Variants in BAHCC1 observed in about 807,000 individuals in gnomAD.
BAHCC1 encodes the protein BAH domain and coiled-coil containing 1.
In BAHCC1, 43 loss-of-function variants were observed where a neutral mutation model predicts 88.2. The observed-to-expected ratio is 0.49, with a 90% confidence interval of 0.38 to 0.63. BAHCC1 has a LOEUF of 0.63. Among genes scored for constraint, BAHCC1 ranks in the 20% least tolerant of loss-of-function variants. The pLI is 0.00. For missense variants in BAHCC1, 3,023 were observed against 1,654.8 expected (o/e 1.83, Z -14.34); for synonymous variants, 1,510 against 745.5 (o/e 2.03, Z -16.71).
chr17:81,407,600 C>T (rs113979572), intron 2 of BAHCC1, among the ~76,000 whole-genome samples: 11 of 152,226 alleles, frequency 7.2e-5, no homozygotes, highest in Non-Finnish European at 1.3e-4. Context: ...GAAGGGGCTG[C>T]GCTGTGGGGC....
At chr17:81,410,536 G>A (rs562867258) in intron 2 of BAHCC1, among the ~76,000 whole-genome samples, 32 of 152,348 alleles carry the variant, frequency 2.1e-4, no homozygotes, top group African/African-American at 5.8e-4. Context: ...GTCCTGGGGC[G>A]TTGGATGTGA....
chr17:81,401,474 T>C (rs2063816181), intron 2 of BAHCC1: 1 of 152,710 alleles, frequency 6.5e-6, no homozygotes, highest in African/African-American at 2.4e-5. Context: ...TTTAAAAATA[T>C]CTCTTCTGCT....
In BAHCC1 at chr17:81,442,167, G is replaced by C; in HGVS notation, c.818G>C (p.Cys273Ser). Residue 273 changes from cysteine to serine, a missense_variant, in exon 5 of 28, where the codon TGC (cysteine) becomes TCC (serine). Physicochemically the swap from Cys to Ser is moderately radical, Grantham distance 112. Coordinates refer to ENST00000675386, the MANE Select transcript of BAHCC1 (RefSeq NM_001377448.1). ...REGGPAPRGA[C>S]EGRPKHLTSC... is the part of the protein sequence containing the mutation. ...GGCGGCCCCGCACCCCGAGGGGCCT[G>C]CGAGGGCCGCCCCAAGCACCTCACC... 1 of 652,248 alleles carries C rather than the reference G, an allele frequency of 1.5e-6. No homozygotes were observed. Among genetic ancestry groups the C allele is most frequent in the Non-Finnish European group, 2.8e-6 (1 of 361,616 alleles). The allele number at this position is 652,248 out of a possible 1,614,324, so 40.4% of individuals were successfully genotyped here. A position where few individuals can be genotyped will look rare whatever the true frequency, so the allele number is the denominator to read the frequency against.
At position 81,447,289 on chromosome 17, in the gene BAHCC1, GGGACCCCAGGGGAAGGCAGC is replaced by G; in HGVS notation, c.3427_3446del (p.Gly1143ProfsTer65). ...CCGCCACCCCCTACCCTACCGAGCG[GGGACCCCAGGGGAAGGCAGC>G]GGACCCCAGCCCACTAGAGGGGCTA... On this transcript the variant is annotated frameshift_variant, in exon 11 of 28. Coordinates refer to ENST00000675386, the MANE Select transcript of BAHCC1 (RefSeq NM_001377448.1). LOFTEE classifies it high-confidence loss of function. 1.4e-6 allele frequency: 1 copy of G among 730,842 alleles called. No individual in the cohort carries two copies. The highest frequency in any genetic ancestry group is 2.5e-6 in the Non-Finnish European group (1 of 395,762). 45.3% of individuals were successfully genotyped at this position (730,842 alleles called of 1,614,324 possible).
At position 81,447,452 on chromosome 17, in the gene BAHCC1, C is replaced by A. The variant is rs1555654846; in HGVS notation, c.3580C>A (p.Pro1194Thr). 4 of 742,532 alleles carry A rather than the reference C, an allele frequency of 5.4e-6. No individual in the cohort carries two copies. The Admixed American group carries it at 7.6e-5, about 14-fold the overall frequency. The allele number at this position is 742,532 out of a possible 1,614,324, so 46.0% of individuals were successfully genotyped here. ...GAGCAGGGAGGAGGGGGAGCAGGGG[C>A]CCTCGTCAGGGGCCTCCTCCCAAGT... Reference protein sequence around the residue: ...ERSREEGEQGPSSGASSQVLE... With the variant: ...ERSREEGEQGTSSGASSQVLE... The change falls in exon 11 of 28, where the codon CCC becomes ACC. Residue 1194 changes from proline (P) to threonine (T), a missense_variant. Transcript: ENST00000675386.
intron 3 of BAHCC1, 37 bp from the exon 4 acceptor site, chr17:81,438,333 G>C (rs1339758391): frequency 1.3e-6 from 1 of 776,618 alleles, no homozygotes; most frequent in Non-Finnish European, 2.4e-6. Context: ...CAGGGGGCTG[G>C]GAGTTGCCTC....
intron 3 of BAHCC1, among the ~76,000 whole-genome samples, chr17:81,429,194 G>A (rs1260354493): frequency 6.6e-6 from 1 of 152,190 alleles, no homozygotes; most frequent in Non-Finnish European, 1.5e-5. Flanking sequence ...ACAAGGGGGT[G>A]CAGGGCGTGG....
chr17:81,449,989 C>T (rs974508757), intron 11 of BAHCC1, among the ~76,000 whole-genome samples: 3 of 152,096 alleles, frequency 2.0e-5, no homozygotes, highest in Non-Finnish European at 4.4e-5. Context: ...AGCTGTCAGG[C>T]GCTGATTTGT....
chr17:81,421,228 G>A lies in BAHCC1; in HGVS notation c.179-5572G>A, dbSNP rs185763140. Among the ~76,000 whole-genome samples the A allele has an allele frequency of 3.5e-3, 527 of 152,342 alleles. 2 individuals carry two copies. Among genetic ancestry groups the A allele is most frequent in the Middle Eastern group, 0.01 (3 of 294 alleles). On this transcript the variant is annotated intron_variant, in intron 2 of 27. Coordinates refer to ENST00000675386, the MANE Select transcript of BAHCC1 (RefSeq NM_001377448.1). ...GCCAAGAGGAAAGAGCCCTCAGCCC[G>A]GTTCCCGGCTGGCCTTGGCCCACAC...
chr17:81,445,863 G>T (rs1354937998), intron 10 of BAHCC1, among the ~76,000 whole-genome samples, 182 bp downstream of exon 10: 1 of 152,082 alleles, frequency 6.6e-6, no homozygotes, highest in Non-Finnish European at 1.5e-5. Context: ...ATGACCTTGG[G>T]AGAAGCACAC....
At position 81,461,665 on chromosome 17, in the gene BAHCC1, C is replaced by T. The variant is rs376876636; in HGVS notation, c.7002C>T (p.Thr2334=). 185 of 729,954 alleles carry T rather than the reference C, an allele frequency of 2.5e-4. 2 individuals are homozygous for T. Among genetic ancestry groups the T allele is most frequent in the Non-Finnish European group, 4.0e-4 (155 of 392,096 alleles). 45.2% of individuals were successfully genotyped at this position (729,954 alleles called of 1,614,324 possible). The change falls in exon 26 of 28, where the codon ACC becomes ACT. Residue 2334 remains threonine, a synonymous_variant. Coordinates refer to ENST00000675386, the MANE Select transcript of BAHCC1 (RefSeq NM_001377448.1). ...CCTCCTCCTCAGGCTCCGTGTCCACCTCCAGCCTCTGCTCCTCCGACAACG... is the reference window on the plus strand; with the variant it reads ...CCTCCTCCTCAGGCTCCGTGTCCACTTCCAGCCTCTGCTCCTCCGACAACG... ...STSSSSGSVS[T]SSLCSSDNED...
chr17:81,460,657 C>T lies in BAHCC1; in HGVS notation c.6153C>T (p.Pro2051=), dbSNP rs367826271. 6 of 772,040 alleles carry T rather than the reference C, an allele frequency of 7.8e-6. No individual in the cohort carries two copies. Among genetic ancestry groups the T allele is most frequent in the Middle Eastern group, 4.5e-4 (2 of 4,454 alleles). The allele number at this position is 772,040 out of a possible 1,614,324, so 47.8% of individuals were successfully genotyped here. ...TGTCCCCCAAAGCACAGGACGGCCC[C>T]GAAGCTTTGAAGACACCTGGGAAAA... ...PSLSPKAQDG[P]EALKTPGKKS... is the part of the protein sequence containing the mutation. Residue 2051 remains proline, a synonymous_variant, in exon 25 of 28, where the codon CCC becomes CCT. Transcript: ENST00000675386.
In BAHCC1 at chr17:81,455,365, A is replaced by G. The variant is rs568661029; in HGVS notation, c.4544A>G (p.Tyr1515Cys). ...CGAAGCAAGCTGGAGAGGAGCGTCT[A>G]TGCGGGCCTGCAGACTGCCTCCGTG... ...KKRSKLERSV[Y>C]AGLQTASVEK... Residue 1515 changes from tyrosine (Y) to cysteine (C), a missense_variant, in exon 15 of 28, where the codon TAT becomes TGT. Physicochemically the swap from Tyr to Cys is radical, Grantham distance 194. Coordinates refer to ENST00000675386, the MANE Select transcript of BAHCC1 (RefSeq NM_001377448.1). The G allele has an allele frequency of 1.1e-5, 8 of 716,638 alleles. No individual in the cohort carries two copies. Among genetic ancestry groups the G allele is most frequent in the East Asian group, 1.1e-4 (4 of 37,284 alleles). 44.4% of individuals were successfully genotyped at this position (716,638 alleles called of 1,614,324 possible). A position where few individuals can be genotyped will look rare whatever the true frequency, so the allele number is the denominator to read the frequency against.
At chr17:81,436,732 C>T (rs959161984) in intron 3 of BAHCC1, among the ~76,000 whole-genome samples, 14 of 152,244 alleles carry the variant, frequency 9.2e-5, no homozygotes, top group Non-Finnish European at 1.8e-4. Flanking sequence ...GCCTCAGCCC[C>T]GTGTCCTCAG....
rs559426229 is a variant in BAHCC1, at chr17:81,460,320, G to A, written c.5949G>A (p.Val1983=). The A allele has an allele frequency of 5.0e-5, 39 of 776,614 alleles. No homozygotes were observed. Among genetic ancestry groups the A allele is most frequent in the Non-Finnish European group, 9.1e-5 (38 of 416,480 alleles). The allele number at this position is 776,614 out of a possible 1,614,324, so 48.1% of individuals were successfully genotyped here. A position where few individuals can be genotyped will look rare whatever the true frequency, so the allele number is the denominator to read the frequency against. The stretch of plus-strand genomic sequence containing the variant: ...ATGAGGACCTGGACTCAGTAGTGGT[G>A]GAATTTGACGATGGGGATACAGGCC... ...DEDEDLDSVV[V]EFDDGDTGHI... Residue 1983 remains valine, a synonymous_variant, in exon 24 of 28, where the codon GTG becomes GTA. Coordinates refer to ENST00000675386, the MANE Select transcript of BAHCC1 (RefSeq NM_001377448.1).
At chr17:81,457,675 G>A (rs569859081) in intron 17 of BAHCC1, 83 bp downstream of exon 17, 2 of 610,622 alleles carry the variant, frequency 3.3e-6, no homozygotes, top group African/African-American at 1.9e-5. Flanking sequence ...GAGGGCAGGG[G>A]TTGCTGGGTA....
At chr17:81,445,775 G>T in intron 10 of BAHCC1, 94 bp downstream of exon 10, 1 of 653,258 alleles carries the variant, frequency 1.5e-6, no homozygotes, top group South Asian at 1.7e-5. Context: ...GCTGCCTGCA[G>T]GGAGGCGCCA....
At position 81,461,500 on chromosome 17, in the gene BAHCC1, G is replaced by T. The variant is rs782350336; in HGVS notation, c.6837G>T (p.Glu2279Asp). The T allele has an allele frequency of 4.0e-6, 3 of 743,166 alleles. No individual in the cohort carries two copies. Among genetic ancestry groups the T allele is most frequent in the Non-Finnish European group, 7.5e-6 (3 of 400,168 alleles). 46.0% of individuals were successfully genotyped at this position (743,166 alleles called of 1,614,324 possible). A position where few individuals can be genotyped will look rare whatever the true frequency, so the allele number is the denominator to read the frequency against. The change falls in exon 26 of 28, where the codon GAG becomes GAT. Residue 2279 changes from glutamate (E) to aspartate (D), a missense_variant. Transcript: ENST00000675386. The part of the protein sequence containing the change: ...LALRKYAGQA[E>D]FPLPYDSDCH... ...TGCGCAAGTACGCGGGCCAGGCAGA[G>T]TTCCCGCTGCCCTACGACAGCGACT... is the stretch of plus-strand genomic sequence containing the variant.
intron 2 of BAHCC1, among the ~76,000 whole-genome samples, chr17:81,404,477 T>C (rs2063855630): frequency 6.6e-6 from 1 of 152,142 alleles, no homozygotes; most frequent in African/African-American, 2.4e-5. Context: ...ATGCCGAGGC[T>C]GGGGCTCCTG....
Sources: gnomAD v4.1 joint callset for allele counts (sites outside exome capture counted in the v4.1 genomes callset) on GRCh38, gnomAD v4.1.1 for gene constraint, MANE v1.5 for transcripts, NCBI Gene and HGNC (gene_info 2026-07-23, HGNC 2026-07-21) for gene names.